The following CHD9 variants were observed in gnomAD, a reference collection of about 807,000 sequenced individuals.
CHD9 encodes the protein chromodomain helicase DNA binding protein 9.
A neutral mutation model predicts 316.1 loss-of-function variants in CHD9; 77 were observed. The observed-to-expected ratio is 0.24, with a 90% CI of 0.20 to 0.29. The LOEUF (loss-of-function observed/expected upper bound fraction) is 0.29, where lower values mean the gene tolerates loss of function less well. Among genes scored for constraint, CHD9 ranks in the 10% least tolerant of loss-of-function variants. The pLI is 1.00. For synonymous variants in CHD9, 1,129 were observed against 1,158.3 expected (o/e 0.97, Z 0.51); for missense variants, 2,763 against 3,438.1 (o/e 0.80, Z 4.91).
In CHD9 at chr16:53,287,856, G is replaced by C; in HGVS notation, c.5190-101G>C. On this transcript the variant is annotated intron_variant, in intron 26 of 38. Coordinates refer to ENST00000447540, the MANE Select transcript of CHD9 (RefSeq NM_001308319.2). Reference sequence around the variant, plus strand: ...CTGGCTAGAGAAGAGACGTCAGTCTGACTTTTAAAACAAACTAAAACCCTC... The same window carrying C: ...CTGGCTAGAGAAGAGACGTCAGTCTCACTTTTAAAACAAACTAAAACCCTC... 3 of 950,306 alleles carry C rather than the reference G, an allele frequency of 3.2e-6. No homozygotes were observed. The South Asian group carries it at 4.1e-5, about 13-fold the overall frequency. 58.9% of individuals were successfully genotyped at this position (950,306 alleles called of 1,614,324 possible). A position where few individuals can be genotyped will look rare whatever the true frequency, so the allele number is the denominator to read the frequency against.
intron 24 of CHD9, among the ~76,000 whole-genome samples, 193 bp downstream of exon 24, chr16:53,274,495 G>T (rs959352204): frequency 6.6e-6 from 1 of 151,940 alleles, no homozygotes; most frequent in African/African-American, 2.4e-5. Flanking sequence ...CACTCTTGTT[G>T]CCCAGGGTGG....
At chr16:53,064,852 A>G (rs977124007) in intron 1 of CHD9, among the ~76,000 whole-genome samples, 31 of 152,016 alleles carry the variant, frequency 2.0e-4, no homozygotes, top group African/African-American at 7.2e-4. Context: ...GCCTGTAATC[A>G]CAGCTACTTG....
intron 7 of CHD9, among the ~76,000 whole-genome samples, chr16:53,228,472 G>A (rs2047850726): frequency 2.0e-5 from 3 of 151,618 alleles, no homozygotes; most frequent in Admixed American, 2.0e-4. Flanking sequence ...GTTGCTAACT[G>A]GGGAAAAATC....
At chr16:53,176,611 A>G (rs2043117113) in intron 2 of CHD9, among the ~76,000 whole-genome samples, 1 of 152,206 alleles carries the variant, frequency 6.6e-6, no homozygotes, top group Non-Finnish European at 1.5e-5. Flanking sequence ...TTATGACCTC[A>G]TGACCTCACA....
intron 1 of CHD9, among the ~76,000 whole-genome samples, chr16:53,106,924 A>G (rs2037404942): frequency 6.6e-6 from 1 of 152,230 alleles, no homozygotes; most frequent in Non-Finnish European, 1.5e-5. Context: ...TATGGAATAC[A>G]AGAAAATCAT....
intron 1 of CHD9, among the ~76,000 whole-genome samples, chr16:53,131,774 G>T (rs1277735058): frequency 2.6e-5 from 4 of 152,126 alleles, no homozygotes; most frequent in Admixed American, 2.6e-4. Flanking sequence ...GCGGGCACCC[G>T]ACGTCCCGGA....
intron 2 of CHD9, among the ~76,000 whole-genome samples, chr16:53,204,123 CGT>C (rs59131817): frequency 0.04 from 5,710 of 141,952 alleles, 379 homozygotes; most frequent in African/African-American, 0.13. Context: ...ATCTAGATAA[CGT>C]GTGTGTGTGT....
intron 1 of CHD9, among the ~76,000 whole-genome samples, chr16:53,076,783 ACAAAAG>A (rs2034569739): frequency 2.0e-5 from 3 of 151,744 alleles, no homozygotes; most frequent in East Asian, 1.9e-4. Context: ...AAAAACAAAA[ACAAAAG>A]CAAATTTTAA....
intron 19 of CHD9, among the ~76,000 whole-genome samples, chr16:53,258,546 T>C (rs1230161173): frequency 6.6e-6 from 1 of 152,166 alleles, no homozygotes; most frequent in Non-Finnish European, 1.5e-5. Context: ...GTTAGTAGTA[T>C]TTTACACTTT....
At chr16:53,143,960 AT>A (rs757722588) in intron 1 of CHD9, among the ~76,000 whole-genome samples, 2 of 151,406 alleles carry the variant, frequency 1.3e-5, no homozygotes, top group African/African-American at 4.9e-5. Context: ...TGACCCAAAC[AT>A]TTTTTTTTCT....
At position 53,303,924 on chromosome 16, in the gene CHD9, G is replaced by A. The variant is rs1285307784; in HGVS notation, c.5918G>A (p.Gly1973Asp). Residue 1973 changes from glycine (G) to aspartate (D), a missense_variant, in exon 31 of 39, where the codon GGT (glycine) becomes GAT (aspartate). Coordinates refer to ENST00000447540, the MANE Select transcript of CHD9 (RefSeq NM_001308319.2). The part of the protein sequence containing the change: ...CGPHDRDLLI[G>D]AAKHGVSRTD... The stretch of plus-strand genomic sequence containing the variant: ...CCTCATGATAGGGATTTGCTTATTG[G>A]TGCTGCCAAACACGGGGTGAGCCGA... 1 of 1,613,872 alleles carries A rather than the reference G, an allele frequency of 6.2e-7. No homozygotes were observed. The highest frequency in any genetic ancestry group is 8.5e-7 in the Non-Finnish European group (1 of 1,179,882).
chr16:53,284,038 T>C (rs1031487647), intron 24 of CHD9, among the ~76,000 whole-genome samples: 1 of 152,138 alleles, frequency 6.6e-6, no homozygotes, highest in Non-Finnish European at 1.5e-5. Flanking sequence ...TGTCGATCAC[T>C]TGTTTGTTTA....
At chr16:53,221,860 C>T (rs559281685) in intron 3 of CHD9, among the ~76,000 whole-genome samples, 14 of 151,648 alleles carry the variant, frequency 9.2e-5, no homozygotes, top group Non-Finnish European at 1.8e-4. Context: ...AGGCTTTTAA[C>T]GAATAGGGGG....
chr16:53,255,538 A>T (rs2050517463), intron 18 of CHD9, 62 bp from the exon 19 acceptor site: 2 of 1,464,584 alleles, frequency 1.4e-6, no homozygotes, highest in African/African-American at 2.8e-5. Context: ...TCCTTTAGGG[A>T]TACTTTCTCA....
chr16:53,267,298 G>A lies in CHD9; in HGVS notation c.4325G>A (p.Ser1442Asn). ...AATAGCAGTTCTGTTTTACAGAACA[G>A]CTTGGTTATTGACACTCCAAGAATT... ...IDIEAISGRNSLVIDTPRIRK... is the reference protein window; with the variant it reads ...IDIEAISGRNNLVIDTPRIRK... Residue 1442 changes from serine to asparagine, a missense_variant, in exon 21 of 39, where the codon AGC becomes AAC. Around this residue, in one of 15 missense-constraint regions of CHD9, gnomAD observed 199 missense variants for 251.7 expected, o/e 0.79. Coordinates refer to ENST00000447540, the MANE Select transcript of CHD9 (RefSeq NM_001308319.2). The A allele has an allele frequency of 6.2e-7, 1 of 1,603,426 alleles. No individual in the cohort carries two copies. The highest frequency in any genetic ancestry group is 2.2e-5 in the East Asian group (1 of 44,536).
intron 1 of CHD9, among the ~76,000 whole-genome samples, chr16:53,066,267 G>C (rs1007730834): frequency 6.6e-6 from 1 of 152,116 alleles, no homozygotes; most frequent in African/African-American, 2.4e-5. Flanking sequence ...TATGACTGGG[G>C]CCTGGGGTAC....
At chr16:53,303,602 A>G in intron 30 of CHD9, 118 bp from the exon 31 acceptor site, 1 of 708,326 alleles carries the variant, frequency 1.4e-6, no homozygotes, top group Non-Finnish European at 2.1e-6. Context: ...GTGATATTGC[A>G]TGGAGGCACA....
intron 11 of CHD9, among the ~76,000 whole-genome samples, chr16:53,237,271 C>T (rs1018695793): frequency 1.3e-5 from 2 of 152,016 alleles, no homozygotes; most frequent in African/African-American, 4.8e-5. Flanking sequence ...AAAGTTCTCT[C>T]CTCTTAGTTT....
In CHD9 at chr16:53,127,931, AGACTCT is replaced by A. The variant is rs775361181; in HGVS notation, c.-164-27993_-164-27988del. 8.0e-5 allele frequency among the ~76,000 whole-genome samples: 10 copies of A among 124,480 alleles called. 1 individual carries two copies. Among genetic ancestry groups the A allele is most frequent in the Non-Finnish European group, 1.4e-4 (8 of 58,756 alleles). The allele number at this position is 124,480 out of a possible 152,430, so 81.7% of individuals were successfully genotyped here. ...GCACTCCAGCCTGGCCGACAGAGTG[AGACTCT>A]GTCAAAAAAAAAAAAAAAAAAAGCC... On this transcript the variant is annotated intron_variant, in intron 1 of 38. Transcript: ENST00000447540.
Sources: gnomAD v4.1 joint callset for allele counts (sites outside exome capture counted in the v4.1 genomes callset) on GRCh38, gnomAD v4.1.1 for gene constraint, gnomAD v4.1.1 regional missense constraint, MANE v1.5 for transcripts, NCBI Gene and HGNC (gene_info 2026-07-23, HGNC 2026-07-21) for gene names.